Variants in ACTR3C observed in about 807,000 individuals in gnomAD.
The protein encoded by ACTR3C is actin-related protein 3C.
ACTR3C carries 18 observed loss-of-function variants against 26.3 expected under a neutral mutation model. That is an observed-to-expected ratio of 0.68 (90% CI 0.47 to 1.01). The LOEUF (loss-of-function observed/expected upper bound fraction) is 1.01, where lower values mean the gene tolerates loss of function less well. ACTR3C is among the 50% of genes least tolerant of loss of function. ACTR3C has a pLI of 0.00. For synonymous variants in ACTR3C, 55 were observed against 94.5 expected (o/e 0.58, Z 2.42); for missense variants, 184 against 250.7 (o/e 0.73, Z 1.80).
chr7:149,938,206 G>A, the ACTR3C span, among the ~76,000 whole-genome samples: 1 of 152,178 alleles, frequency 6.6e-6, no homozygotes, highest in African/African-American at 2.4e-5. Context: ...TAGTGGACAA[G>A]CTCTACTCTC....
At chr7:149,976,064 A>G in the ACTR3C span, among the ~76,000 whole-genome samples, 1 of 152,168 alleles carries the variant, frequency 6.6e-6, no homozygotes, top group African/African-American at 2.4e-5. Context: ...TTTTAATTTC[A>G]CAAGAATTTC....
chr7:150,081,178 T>A, the ACTR3C span, among the ~76,000 whole-genome samples: 1 of 136,982 alleles, frequency 7.3e-6, no homozygotes, highest in African/African-American at 2.8e-5. Context: ...GGGAGAGGGA[T>A]AGAGAGATAG....
the ACTR3C span, among the ~76,000 whole-genome samples, chr7:150,029,398 AAAAAC>A: frequency 3.6e-4 from 29 of 80,202 alleles, 1 homozygote; most frequent in African/African-American, 2.1e-3. Context: ...AATCTTTATC[AAAAAC>A]AAAAAAAAAA....
the ACTR3C span, chr7:150,074,460 C>T: frequency 0.13 from 19,558 of 152,104 alleles, 1,395 homozygotes; most frequent in South Asian, 0.21. Flanking sequence ...CAACCACGGA[C>T]GCTCACCCAT....
At chr7:150,250,895 A>T (rs1433086838) in intron 6 of ACTR3C, among the ~76,000 whole-genome samples, 1 of 152,154 alleles carries the variant, frequency 6.6e-6, no homozygotes, top group African/African-American at 2.4e-5. Flanking sequence ...AAAAAATTGG[A>T]TGTAGTTACT....
chr7:150,265,689 C>T (rs193083529), intron 6 of ACTR3C, among the ~76,000 whole-genome samples: 1 of 152,236 alleles, frequency 6.6e-6, no homozygotes, highest in Admixed American at 6.5e-5. Flanking sequence ...ATCTCAAAAA[C>T]ATAAAAATAA....
chr7:150,153,273 G>C, the ACTR3C span, among the ~76,000 whole-genome samples: 2 of 152,052 alleles, frequency 1.3e-5, no homozygotes, highest in Non-Finnish European at 2.9e-5. Context: ...ACTACCATCA[G>C]AGTGAACAGG....
At chr7:150,158,869 C>T in the ACTR3C span, among the ~76,000 whole-genome samples, 2 of 147,704 alleles carry the variant, frequency 1.4e-5, no homozygotes, top group Non-Finnish European at 2.9e-5. Context: ...CATGCCCACA[C>T]ACACACGTGC....
the ACTR3C span, chr7:150,073,945 A>G: frequency 1.3e-5 from 2 of 152,216 alleles, no homozygotes; most frequent in African/African-American, 2.4e-5. Context: ...AAGGAATAAA[A>G]TATTTCATTT....
chr7:149,889,653 A>G, the ACTR3C span, among the ~76,000 whole-genome samples: 1 of 152,178 alleles, frequency 6.6e-6, no homozygotes, highest in Non-Finnish European at 1.5e-5. Flanking sequence ...GGGGAAATGT[A>G]AGTAGGGGTG....
the ACTR3C span, among the ~76,000 whole-genome samples, chr7:150,228,719 G>A: frequency 2.6e-5 from 4 of 151,766 alleles, no homozygotes; most frequent in East Asian, 1.9e-4. Flanking sequence ...TTCTGTAACT[G>A]TAACAATGAA....
At chr7:149,965,463 G>A in the ACTR3C span, among the ~76,000 whole-genome samples, 6 of 144,072 alleles carry the variant, frequency 4.2e-5, no homozygotes, top group Non-Finnish European at 9.1e-5. Context: ...CTAGTTCCAC[G>A]TGGGCCTTCC....
At chr7:150,083,126 CT>C in the ACTR3C span, among the ~76,000 whole-genome samples, 1 of 150,254 alleles carries the variant, frequency 6.7e-6, no homozygotes, top group African/African-American at 2.4e-5. Flanking sequence ...TTTGAATTTT[CT>C]TTTTTTGTAG....
the ACTR3C span, among the ~76,000 whole-genome samples, chr7:150,042,135 G>A: frequency 7.0e-5 from 4 of 57,064 alleles, no homozygotes; most frequent in African/African-American, 3.2e-4. Flanking sequence ...GGTCCTAAGA[G>A]CCAGTGGGGG....
the ACTR3C span, among the ~76,000 whole-genome samples, chr7:150,193,995 C>CAG: frequency 1.4e-4 from 19 of 133,230 alleles, no homozygotes; most frequent in African/African-American, 5.0e-4. Context: ...CACACAGACA[C>CAG]ACACACACAC....
At chr7:150,000,963 T>C in the ACTR3C span, 1 of 151,866 alleles carries the variant, frequency 6.6e-6, no homozygotes, top group Non-Finnish European at 1.5e-5. Flanking sequence ...GTCTTTTCTG[T>C]GCTATCGAGC....
At chr7:150,228,780 T>TA in the ACTR3C span, among the ~76,000 whole-genome samples, 1 of 150,254 alleles carries the variant, frequency 6.7e-6, no homozygotes, top group East Asian at 1.9e-4. Context: ...ACAGCAACTA[T>TA]AAAAAAATTT....
chr7:150,014,518 G>A, the ACTR3C span, among the ~76,000 whole-genome samples: 2 of 151,830 alleles, frequency 1.3e-5, no homozygotes, highest in Non-Finnish European at 2.9e-5. Flanking sequence ...ATCCTTCACA[G>A]TGCTCTGTCC....
At chr7:150,119,450 C>A in the ACTR3C span, among the ~76,000 whole-genome samples, 110 of 152,274 alleles carry the variant, frequency 7.2e-4, no homozygotes, top group Middle Eastern at 0.01. Flanking sequence ...TCTGATAAAA[C>A]AGACTTTAAA....
Sources: gnomAD v4.1 joint callset for allele counts (sites outside exome capture counted in the v4.1 genomes callset) on GRCh38, gnomAD v4.1.1 for gene constraint, MANE v1.5 for transcripts, NCBI Gene and HGNC (gene_info 2026-07-23, HGNC 2026-07-21) for gene names.